Variants in NAALADL2 observed in about 807,000 individuals in gnomAD.
NAALADL2 encodes inactive N-acetylated-alpha-linked acidic dipeptidase-like protein 2.
A neutral mutation model predicts 87.2 loss-of-function variants in NAALADL2; 76 were observed. That is an observed-to-expected ratio of 0.87 (90% CI 0.72 to 1.05). The LOEUF (loss-of-function observed/expected upper bound fraction) is 1.05. NAALADL2 is among the 50% of genes least tolerant of loss of function. NAALADL2 has a pLI of 0.00. For missense variants in NAALADL2, 1,089 were observed against 945.8 expected, an observed-to-expected ratio of 1.15 and a Z score of -1.99; for synonymous variants, 354 against 331.0, an observed-to-expected ratio of 1.07 and a Z score of -0.75.
At position 175,175,670 on chromosome 3, in the gene NAALADL2, G is replaced by A. The variant is rs192818270; in HGVS notation, c.546-58261G>A. On this transcript the variant is annotated intron_variant, in intron 2 of 13. Transcript: ENST00000454872. The stretch of plus-strand genomic sequence containing the variant: ...TAAGTGGCGTAGCATAATTGAGATG[G>A]CATTTGTCTATCAACTTCAGTTTCA... Among the ~76,000 whole-genome samples, 410 of 152,082 alleles carry A rather than the reference G, an allele frequency of 2.7e-3. 2 individuals are homozygous for A. Among genetic ancestry groups the A allele is most frequent in the African/African-American group, 9.3e-3 (388 of 41,536 alleles).
chr3:175,591,784 G>GTA (rs57196350), intron 10 of NAALADL2, among the ~76,000 whole-genome samples: 244 of 136,532 alleles, frequency 1.8e-3, no homozygotes, highest in East Asian at 7.5e-3. Flanking sequence ...GTGTGTGTGT[G>GTA]TATATATATA....
intron 12 of NAALADL2, among the ~76,000 whole-genome samples, chr3:175,744,598 T>C (rs1371737951): frequency 1.3e-5 from 2 of 152,244 alleles, no homozygotes; most frequent in East Asian, 3.8e-4. Flanking sequence ...CTGACACCTT[T>C]AAACTATACA....
At chr3:175,730,525 G>T (rs1743601802) in intron 11 of NAALADL2, among the ~76,000 whole-genome samples, 1 of 144,488 alleles carries the variant, frequency 6.9e-6, no homozygotes, top group African/African-American at 2.5e-5. Context: ...TTGCCTTGTT[G>T]CCTCATAGGG....
intron 1 of NAALADL2, among the ~76,000 whole-genome samples, chr3:174,969,271 C>T (rs1236383791): frequency 6.6e-6 from 1 of 152,132 alleles, no homozygotes; most frequent in African/African-American, 2.4e-5. Flanking sequence ...TCAGGTAAGT[C>T]TTTTCTGATC....
intron 2 of NAALADL2, among the ~76,000 whole-genome samples, chr3:175,145,916 G>A (rs1273278369): frequency 6.6e-6 from 1 of 151,948 alleles, no homozygotes; most frequent in Non-Finnish European, 1.5e-5. Flanking sequence ...TATCATTTCA[G>A]ACATATAGCT....
At chr3:175,402,673 C>T (rs755372309) in intron 5 of NAALADL2, among the ~76,000 whole-genome samples, 5 of 152,020 alleles carry the variant, frequency 3.3e-5, no homozygotes, top group Non-Finnish European at 7.4e-5. Context: ...GTGCCATTCC[C>T]ACTATCTATG....
At chr3:175,324,444 T>C in intron 5 of NAALADL2, 119 bp downstream of exon 5, 1 of 788,534 alleles carries the variant, frequency 1.3e-6, no homozygotes, top group East Asian at 3.0e-5. Context: ...TCCCATCTTA[T>C]TATTTTAAAA....
chr3:174,751,195 G>A (rs536009801), intron 3 of NAALADL2, among the ~76,000 whole-genome samples: 3 of 151,872 alleles, frequency 2.0e-5, no homozygotes, highest in South Asian at 4.2e-4. Context: ...AGCAAATTTT[G>A]GGCCAATCCA....
chr3:175,364,712 T>C (rs1765375008), intron 5 of NAALADL2, among the ~76,000 whole-genome samples: 1 of 147,568 alleles, frequency 6.8e-6, no homozygotes, highest in African/African-American at 2.5e-5. Flanking sequence ...AGAGACCCTT[T>C]TTTTTGAGTC....
At chr3:175,465,096 TATTTA>T (rs1268725806) in intron 7 of NAALADL2, among the ~76,000 whole-genome samples, 1 of 152,018 alleles carries the variant, frequency 6.6e-6, no homozygotes, top group Non-Finnish European at 1.5e-5. Flanking sequence ...AAAAATTGAC[TATTTA>T]ATTAGCCGGG....
intron 10 of NAALADL2, among the ~76,000 whole-genome samples, chr3:175,591,427 G>T (rs1721433027): frequency 6.6e-6 from 1 of 151,680 alleles, no homozygotes; most frequent in African/African-American, 2.4e-5. Flanking sequence ...AACAAATGTG[G>T]TTTGTTAACA....
chr3:174,896,022 G>T (rs900143240), intron 1 of NAALADL2, among the ~76,000 whole-genome samples: 2 of 152,000 alleles, frequency 1.3e-5, no homozygotes, highest in African/African-American at 4.8e-5. Context: ...TTAAAAAACT[G>T]GGTATAGAAG....
At chr3:175,345,857 A>C (rs1195665563) in intron 5 of NAALADL2, among the ~76,000 whole-genome samples, 1 of 152,180 alleles carries the variant, frequency 6.6e-6, no homozygotes, top group Non-Finnish European at 1.5e-5. Context: ...CATGATCTTC[A>C]TGTGGATACC....
chr3:175,685,789 C>T (rs576885719), intron 11 of NAALADL2, among the ~76,000 whole-genome samples: 20 of 152,248 alleles, frequency 1.3e-4, no homozygotes, highest in Admixed American at 4.6e-4. Context: ...ACATTGGTTA[C>T]GAAAGAATTC....
chr3:175,416,181 A>G (rs1031810518), intron 5 of NAALADL2, among the ~76,000 whole-genome samples: 1 of 152,116 alleles, frequency 6.6e-6, no homozygotes, highest in African/African-American at 2.4e-5. Context: ...GAAACACATC[A>G]GTATATGAAA....
intron 1 of NAALADL2, among the ~76,000 whole-genome samples, chr3:174,470,331 C>T (rs1023887085): frequency 4.6e-5 from 7 of 152,016 alleles, no homozygotes; most frequent in Admixed American, 4.6e-4. Flanking sequence ...TCTTTGCCTA[C>T]TTTTTTAATG....
chr3:175,040,482 TAA>T (rs1753938215), intron 1 of NAALADL2, among the ~76,000 whole-genome samples: 1 of 152,144 alleles, frequency 6.6e-6, no homozygotes, highest in South Asian at 2.1e-4. Context: ...GCCGTTTCCA[TAA>T]AGTGTCAGTG....
chr3:175,142,302 A>G (rs1580671740), intron 2 of NAALADL2, among the ~76,000 whole-genome samples: 1 of 152,012 alleles, frequency 6.6e-6, no homozygotes, highest in Admixed American at 6.6e-5. Flanking sequence ...TTTCGTTTAT[A>G]ATTATGTGGA....
chr3:174,806,902 TA>T (rs1472800716), intron 3 of NAALADL2, among the ~76,000 whole-genome samples: 3 of 152,162 alleles, frequency 2.0e-5, no homozygotes, highest in African/African-American at 7.2e-5. Flanking sequence ...ATTAGGTCCT[TA>T]TAGCCATCTA....
Sources: gnomAD v4.1 joint callset for allele counts (sites outside exome capture counted in the v4.1 genomes callset) on GRCh38, gnomAD v4.1.1 for gene constraint, MANE v1.5 for transcripts, NCBI Gene and HGNC (gene_info 2026-07-23, HGNC 2026-07-21) for gene names.